The following GYPB variants were observed in gnomAD, a reference collection of about 807,000 sequenced individuals.
GYPB encodes the protein glycophorin B (MNS blood group).
A neutral mutation model predicts 15.3 loss-of-function variants in GYPB; 13 were observed. The ratio of observed to expected loss-of-function variants is 0.85; its 90% CI spans 0.55 to 1.35. The LOEUF is 1.35. Among genes scored for constraint, GYPB ranks in the 40% most tolerant of loss-of-function variants. The pLI is 0.00. For synonymous variants in GYPB, 38 were observed against 36.9 expected (o/e 1.03, Z -0.11); for missense variants, 131 against 108.3 (o/e 1.21, Z -0.93).
chr4:144,008,894 G>C (rs978373868), intron 1 of GYPB, among the ~76,000 whole-genome samples: 1 of 151,398 alleles, frequency 6.6e-6, no homozygotes, highest in Non-Finnish European at 1.5e-5. Flanking sequence ...GCTCCAGTTG[G>C]TAATATAGAT....
intron 1 of GYPB, chr4:144,002,766 T>G (rs1727696055): frequency 9.3e-7 from 1 of 1,080,496 alleles, no homozygotes; most frequent in South Asian, 1.3e-5. Context: ...GGAAGAGTTC[T>G]AAAACCTTTC....
chr4:144,011,239 G>T (rs1228538104), intron 1 of GYPB, among the ~76,000 whole-genome samples: 2 of 151,244 alleles, frequency 1.3e-5, no homozygotes, highest in African/African-American at 2.5e-5. Context: ...AATTAACTGG[G>T]CGTGGTGGTG....
In GYPB at chr4:144,002,178, A is replaced by C. The variant is rs542746945; in HGVS notation, c.38-895T>G. Among the ~76,000 whole-genome samples, 478 of 151,412 alleles carry C rather than the reference A, an allele frequency of 3.2e-3. 29 individuals carry two copies. Among genetic ancestry groups the C allele is most frequent in the African/African-American group, 0.011 (456 of 40,718 alleles). On this transcript the variant is annotated intron_variant, in intron 1 of 4. Coordinates refer to ENST00000502664, the MANE Select transcript of GYPB (RefSeq NM_002100.6). The stretch of plus-strand genomic sequence containing the variant: ...TTGCAAAAGTAATATAGATTCAATA[A>C]AGAATATTTGGGAACTACAAGAAAG...
At chr4:144,001,158 A>C (rs1314723020) in intron 2 of GYPB, 27 bp downstream of exon 2, 1 of 1,612,654 alleles carries the variant, frequency 6.2e-7, no homozygotes, top group Non-Finnish European at 8.5e-7. Context: ...TCGGAGCCAC[A>C]ATTTAAAAAT....
intron 1 of GYPB, among the ~76,000 whole-genome samples, chr4:144,004,349 G>A (rs1483945290): frequency 2.6e-5 from 4 of 151,928 alleles, no homozygotes; most frequent in Admixed American, 2.6e-4. Flanking sequence ...GATAGCATAA[G>A]CCTTTCAGTA....
rs1269091768 is a variant in GYPB, at chr4:143,997,575, G to C, written c.235C>G (p.Leu79Val). 1 of 1,600,384 alleles carries C rather than the reference G, an allele frequency of 6.2e-7. No individual in the cohort carries two copies. The highest frequency in any genetic ancestry group is 1.4e-5 in the African/African-American group (1 of 72,838). The change falls in exon 4 of 5, where the codon CTC (leucine) becomes GTC (valine). Residue 79 changes from leucine to valine, a missense_variant. Coordinates refer to ENST00000502664, the MANE Select transcript of GYPB (RefSeq NM_002100.6). ...CGGCGAATACTGTAAGAAATTAAGA[G>C]GATCGTTCCAATAATACCAGCCATC... ...CVMAGIIGTI[L>V]LISYSIRRLI...
In GYPB at chr4:143,996,205, CA is replaced by C; in HGVS notation, c.*93del. 3.9e-6 allele frequency: 6 copies of C among 1,548,008 alleles called. No individual in the cohort carries two copies. Among genetic ancestry groups the C allele is most frequent in the Non-Finnish European group, 5.2e-6 (6 of 1,145,692 alleles). ...GGATAGCCAGGGGTAGGGGCATAAG[CA>C]AAGGAATAGCAGGTGCAGCCAGTTT... On this transcript the variant is annotated 3_prime_UTR_variant, in exon 5 of 5. Coordinates refer to ENST00000502664, the MANE Select transcript of GYPB (RefSeq NM_002100.6).
chr4:144,000,315 C>T (rs1294537077), intron 2 of GYPB: 2 of 304,614 alleles, frequency 6.6e-6, no homozygotes, highest in Non-Finnish European at 1.1e-5. Flanking sequence ...TCATGAGTTA[C>T]AGCTCGTGTA....
intron 1 of GYPB, among the ~76,000 whole-genome samples, chr4:144,004,751 C>T (rs1487804311): frequency 6.6e-6 from 1 of 151,832 alleles, no homozygotes; most frequent in African/African-American, 2.4e-5. Flanking sequence ...CATTTGATAA[C>T]AACAGCTCAC....
At chr4:144,016,364 C>G (rs1444767362) in intron 1 of GYPB, among the ~76,000 whole-genome samples, 1 of 149,940 alleles carries the variant, frequency 6.7e-6, no homozygotes, top group Non-Finnish European at 1.5e-5. Flanking sequence ...CTTCTCCCTT[C>G]TTGCCTCCCT....
At chr4:144,004,926 G>A (rs564696320) in intron 1 of GYPB, among the ~76,000 whole-genome samples, 52 of 151,838 alleles carry the variant, frequency 3.4e-4, no homozygotes, top group African/African-American at 1.0e-3. Flanking sequence ...TGGGTAGAAA[G>A]CATTTAAGCA....
intron 3 of GYPB, among the ~76,000 whole-genome samples, chr4:143,997,863 G>A (rs575994751): frequency 6.6e-6 from 1 of 151,434 alleles, no homozygotes; most frequent in East Asian, 1.9e-4. Flanking sequence ...CAAAATAGTT[G>A]ATGACAGAAC....
At chr4:144,007,693 A>G (rs1727993595) in intron 1 of GYPB, among the ~76,000 whole-genome samples, 1 of 151,644 alleles carries the variant, frequency 6.6e-6, no homozygotes, top group Admixed American at 6.6e-5. Flanking sequence ...TGGCTTTGCC[A>G]TCAAATGGTT....
intron 1 of GYPB, among the ~76,000 whole-genome samples, chr4:144,006,309 C>A (rs1480465030): frequency 6.6e-6 from 1 of 151,960 alleles, no homozygotes; most frequent in Non-Finnish European, 1.5e-5. Flanking sequence ...GAACATTTCA[C>A]CTCTCTTGTC....
intron 2 of GYPB, 56 bp from the exon 3 acceptor site, chr4:143,999,505 A>T (rs528152087): frequency 5.3e-6 from 5 of 944,226 alleles, no homozygotes; most frequent in Non-Finnish European, 8.5e-6. Flanking sequence ...GCAAAGAAAA[A>T]AATCATTTTG....
At chr4:143,996,098 C>T (rs1341277796), downstream of GYPB, 4 of 1,356,750 alleles carry the variant, frequency 2.9e-6, no homozygotes, top group Non-Finnish European at 3.9e-6. Context: ...GACTATAATA[C>T]ATGAAAACGG....
chr4:144,006,353 A>G (rs1267663930), intron 1 of GYPB, among the ~76,000 whole-genome samples: 1 of 151,934 alleles, frequency 6.6e-6, no homozygotes. Context: ...GAGAGCATGG[A>G]CTTCTGCCAC....
rs1727487417 is a variant in GYPB, at chr4:143,999,282, T to A, written c.175+129A>T. On this transcript the variant is annotated intron_variant, in intron 3 of 4. Transcript: ENST00000502664. ...AGAATATTTTCTTTGTCTTTACAAT[T>A]TCGTGTGAATAAAGTTAACAACATA... 8.3e-6 allele frequency: 5 copies of A among 604,992 alleles called. No homozygotes were observed. In the South Asian group the frequency reaches 9.6e-5, roughly 12 times the overall value. 37.5% of individuals were successfully genotyped at this position (604,992 alleles called of 1,614,324 possible).
chr4:144,004,475 G>A (rs1362682035), intron 1 of GYPB, among the ~76,000 whole-genome samples: 15 of 151,880 alleles, frequency 9.9e-5, no homozygotes, highest in Admixed American at 6.5e-5. Context: ...CCATAAAAAT[G>A]AGTTTTCGTA....
Sources: allele counts gnomAD v4.1 joint callset (sites outside exome capture counted in the v4.1 genomes callset), GRCh38; gene constraint gnomAD v4.1.1; transcripts MANE v1.5; gene names NCBI Gene and HGNC (gene_info 2026-07-23, HGNC 2026-07-21).